The following KIF5A variants were observed in gnomAD, a reference collection of about 807,000 sequenced individuals.
The protein encoded by KIF5A is kinesin heavy chain isoform 5A.
A neutral mutation model predicts 141.3 loss-of-function variants in KIF5A; 35 were observed. The observed-to-expected ratio is 0.25, with a 90% CI of 0.19 to 0.33. KIF5A has a LOEUF of 0.33. Ranked by LOEUF, KIF5A falls within the 10% of genes least tolerant of loss-of-function variation. KIF5A has a pLI of 1.00. For synonymous variants in KIF5A, 448 were observed against 500.2 expected (o/e 0.90, Z 1.39); for missense variants, 861 against 1,314.3 (o/e 0.66, Z 5.33).
chr12:57,579,324 G>A (rs923428517), intron 23 of KIF5A, among the ~76,000 whole-genome samples: 3 of 151,978 alleles, frequency 2.0e-5, no homozygotes, highest in Non-Finnish European at 2.9e-5. Flanking sequence ...AGACAGGCTC[G>A]GCAGGCTGTC....
chr12:57,570,627 C>T (rs1201582273), intron 12 of KIF5A, among the ~76,000 whole-genome samples: 6 of 152,136 alleles, frequency 3.9e-5, no homozygotes, highest in African/African-American at 1.2e-4. Flanking sequence ...TCTGGCGATC[C>T]GCCCGCCTCG....
chr12:57,555,886 G>A lies in KIF5A; in HGVS notation c.129+5486G>A, dbSNP rs146314414. On this transcript the variant is annotated intron_variant, in intron 1 of 28. Transcript: ENST00000455537. ...ATCATGCTGCTGCACTCCAGCCTGG[G>A]CGAAAGAGTGAAACTCTATCTCAAA... 8.0e-3 allele frequency among the ~76,000 whole-genome samples: 1,108 copies of A among 138,446 alleles called. 17 individuals carry two copies. Among genetic ancestry groups the A allele is most frequent in the African/African-American group, 0.029 (1,055 of 36,846 alleles). The allele number at this position is 138,446 out of a possible 152,430, so 90.8% of individuals were successfully genotyped here. A position where few individuals can be genotyped will look rare whatever the true frequency, so the allele number is the denominator to read the frequency against.
intron 15 of KIF5A, among the ~76,000 whole-genome samples, chr12:57,574,456 T>C (rs990766386): frequency 6.6e-5 from 10 of 151,666 alleles, no homozygotes; most frequent in Admixed American, 1.3e-4. Context: ...ATGTTTTTAG[T>C]AGAGAGAGGG....
At position 57,576,352 on chromosome 12, in the gene KIF5A, G is replaced by A; in HGVS notation, c.2172G>A (p.Lys724=). ...LARLRDEINE[K]QKTIDELKDL... is the part of the protein sequence containing the mutation. Reference sequence around the variant, plus strand: ...GGCTCCGGGACGAGATCAACGAGAAGCAGAAGACCATTGATGAGCTCAAAG... The same window carrying A: ...GGCTCCGGGACGAGATCAACGAGAAACAGAAGACCATTGATGAGCTCAAAG... Residue 724 remains lysine, a synonymous_variant, in exon 19 of 29, where the codon AAG becomes AAA. Coordinates refer to ENST00000455537, the MANE Select transcript of KIF5A (RefSeq NM_004984.4). The A allele has an allele frequency of 6.2e-7, 1 of 1,613,996 alleles. No individual in the cohort carries two copies. The highest frequency in any genetic ancestry group is 1.1e-5 in the South Asian group (1 of 91,058).
At chr12:57,551,812 C>A (rs1043410738) in intron 1 of KIF5A, among the ~76,000 whole-genome samples, 2 of 151,948 alleles carry the variant, frequency 1.3e-5, no homozygotes, top group Non-Finnish European at 2.9e-5. Context: ...TCCCCAAGGG[C>A]CCCAGTCTGT....
At chr12:57,555,725 A>G (rs1444009145) in intron 1 of KIF5A, among the ~76,000 whole-genome samples, 1 of 151,888 alleles carries the variant, frequency 6.6e-6, no homozygotes, top group Non-Finnish European at 1.5e-5. Flanking sequence ...CATGGCCAAC[A>G]TGGTGAAACC....
intron 26 of KIF5A, 72 bp downstream of exon 26, chr12:57,582,024 C>A (rs1257653251): frequency 7.3e-6 from 9 of 1,238,988 alleles, no homozygotes; most frequent in African/African-American, 1.5e-5. Flanking sequence ...AAGTAAGTGA[C>A]CTTAGTGTAC....
rs1231817690 is a variant in KIF5A, at chr12:57,583,110, G to T, written c.3030G>T (p.Leu1010=). Residue 1010 remains leucine (L), a synonymous_variant, in exon 28 of 29, where the codon CTG becomes CTT. Transcript: ENST00000455537. ...ATDINDNRSD[L]PCGYEAEDQA... ...GGGTCTCTTCCTCCAGGAGTGACCT[G>T]CCGTGTGGCTATGAGGCTGAGGACC... The T allele has an allele frequency of 6.2e-7, 1 of 1,613,904 alleles. No homozygotes were observed. Among genetic ancestry groups the T allele is most frequent in the Non-Finnish European group, 8.5e-7 (1 of 1,179,904 alleles).
intron 23 of KIF5A, among the ~76,000 whole-genome samples, chr12:57,579,094 C>T (rs913129125): frequency 6.6e-6 from 1 of 151,956 alleles, no homozygotes; most frequent in Non-Finnish European, 1.5e-5. Context: ...CCTAAGATGG[C>T]CCAACCAGCC....
rs1267151849 is a variant in KIF5A, at chr12:57,550,455, G to GC, written c.129+61dup. 5.7e-6 allele frequency: 9 copies of GC among 1,586,036 alleles called. No individual in the cohort carries two copies. Among genetic ancestry groups the GC allele is most frequent in the South Asian group, 1.1e-5 (1 of 90,408 alleles). On this transcript the variant is annotated intron_variant, in intron 1 of 28. Coordinates refer to ENST00000455537, the MANE Select transcript of KIF5A (RefSeq NM_004984.4). The surrounding 1 kb of genome is among the most constrained non-coding windows in gnomAD (Gnocchi z 4.6). Reference sequence around the variant, plus strand: ...AGGGGGCAGGTGGCTGAATCTCCCCGCCCCCCGCAGAGCCTTAGTCTCTGC... The same window carrying GC: ...AGGGGGCAGGTGGCTGAATCTCCCCGCCCCCCCGCAGAGCCTTAGTCTCTGC...
At chr12:57,567,259 G>C in intron 7 of KIF5A, 46 bp downstream of exon 7, 1 of 1,482,002 alleles carries the variant, frequency 6.7e-7, no homozygotes, top group South Asian at 1.1e-5. Context: ...GGATCCACTT[G>C]TGTTCTGTGT....
At chr12:57,575,535 T>C in intron 16 of KIF5A, 105 bp from the exon 17 acceptor site, 1 of 1,015,872 alleles carries the variant, frequency 9.8e-7, no homozygotes, top group Non-Finnish European at 1.6e-6. Flanking sequence ...ATGGGAAGTG[T>C]AGCAGGAGGG....
At chr12:57,557,614 T>G (rs1292552661) in intron 1 of KIF5A, among the ~76,000 whole-genome samples, 2 of 152,084 alleles carry the variant, frequency 1.3e-5, no homozygotes, top group Admixed American at 1.3e-4. Context: ...TCATAAACTA[T>G]ATATTGTTTT....
rs1367412468 is a variant in KIF5A, at chr12:57,569,990, A to G, written c.1121A>G (p.Glu374Gly). 2 of 1,612,950 alleles carry G rather than the reference A, an allele frequency of 1.2e-6. No individual in the cohort carries two copies. Among genetic ancestry groups the G allele is most frequent in the Non-Finnish European group, 1.7e-6 (2 of 1,179,166 alleles). Residue 374 changes from glutamate (E) to glycine (G), a missense_variant, in exon 12 of 29, where the codon GAG (glutamate) becomes GGG (glycine). By Grantham distance (98) the Glu-to-Gly change is moderately conservative. This residue lies in a region of KIF5A where 167 missense variants were observed against 192.0 expected (regional missense o/e 0.87). Coordinates refer to ENST00000455537, the MANE Select transcript of KIF5A (RefSeq NM_004984.4). The part of the protein sequence containing the change: ...EAELSRWRNG[E>G]NVPETERLAG... ...ACCTCGTCTTGCCCCTTTGCAGGAG[A>G]GAATGTGCCTGAGACAGAGCGCCTG...
chr12:57,583,930 G>C (rs979689359), intron 28 of KIF5A, among the ~76,000 whole-genome samples: 2 of 152,166 alleles, frequency 1.3e-5, no homozygotes, highest in African/African-American at 4.8e-5. Context: ...TCTCTTACTG[G>C]GCTGCATCTA....
chr12:57,565,335 C>A (rs1882032022), intron 6 of KIF5A, among the ~76,000 whole-genome samples: 2 of 152,170 alleles, frequency 1.3e-5, no homozygotes, highest in Non-Finnish European at 1.5e-5. Context: ...GCAGGAGAAT[C>A]TCTTGAACCT....
rs1464512106 is a variant in KIF5A at position 57,584,922 on chromosome 12, T to C, written c.*741T>C. On this transcript the variant is annotated 3_prime_UTR_variant, in exon 29 of 29. Coordinates refer to ENST00000455537, the MANE Select transcript of KIF5A (RefSeq NM_004984.4). ...CTTTTTCTTCAAGCTCCTTTTGATATTCCCTGCCCCAGAGCTCATGACCAG... is the reference window on the plus strand; with the variant it reads ...CTTTTTCTTCAAGCTCCTTTTGATACTCCCTGCCCCAGAGCTCATGACCAG... The C allele has an allele frequency of 6.6e-6, 1 of 152,202 alleles. No individual in the cohort carries two copies. The highest frequency in any genetic ancestry group is 2.4e-5 in the African/African-American group (1 of 41,438). 9.4% of individuals were successfully genotyped at this position (152,202 alleles called of 1,614,324 possible). A position where few individuals can be genotyped will look rare whatever the true frequency, so the allele number is the denominator to read the frequency against.
intron 23 of KIF5A, among the ~76,000 whole-genome samples, chr12:57,578,718 C>T (rs1026329323): frequency 1.3e-5 from 2 of 152,092 alleles, no homozygotes; most frequent in Admixed American, 6.6e-5. Context: ...GGGCTTCTTT[C>T]GTGGAGAGAA....
At position 57,576,681 on chromosome 12, in the gene KIF5A, G is replaced by A. The variant is rs1421885381; in HGVS notation, c.2199-80G>A. 1.4e-5 allele frequency: 15 copies of A among 1,040,262 alleles called. No individual in the cohort carries two copies. In the East Asian group the frequency reaches 3.3e-4, roughly 23 times the overall value. The allele number at this position is 1,040,262 out of a possible 1,614,324, so 64.4% of individuals were successfully genotyped here. A position where few individuals can be genotyped will look rare whatever the true frequency, so the allele number is the denominator to read the frequency against. ...CTGGACTCACTCGTTCAAAAAGGAA[G>A]AAGTTTGAAGAGCTGGCCTTCCCTT... On this transcript the variant is annotated intron_variant, in intron 19 of 28. Transcript: ENST00000455537.
Sources: gnomAD v4.1 joint callset for allele counts (sites outside exome capture counted in the v4.1 genomes callset) on GRCh38, gnomAD v4.1.1 for gene constraint, gnomAD v4.1.1 regional missense constraint, Gnocchi (gnomAD v3.1) non-coding constraint, MANE v1.5 for transcripts, NCBI Gene and HGNC (gene_info 2026-07-23, HGNC 2026-07-21) for gene names.